HIVEP2: variants seen among roughly 807,000 people sequenced by gnomAD.
The protein encoded by HIVEP2 is transcription factor HIVEP2.
A neutral mutation model predicts 180.7 loss-of-function variants in HIVEP2; 14 were observed. The observed-to-expected ratio is 0.08, with a 90% CI of 0.05 to 0.12. The LOEUF (loss-of-function observed/expected upper bound fraction) is 0.12, where lower values mean the gene tolerates loss of function less well. HIVEP2 is among the 10% of genes least tolerant of loss of function. The probability of loss-of-function intolerance (pLI) is 1.00; values close to 1 mark genes in which losing one functional copy is unlikely to be tolerated. For synonymous variants in HIVEP2, 1,184 were observed against 1,136.4 expected, an observed-to-expected ratio of 1.04 and a Z score of -0.84; for missense variants, 2,579 against 3,008.5, an observed-to-expected ratio of 0.86 and a Z score of 3.34.
chr6:142,806,516 T>G (rs1776551837), intron 2 of HIVEP2, among the ~76,000 whole-genome samples: 1 of 152,208 alleles, frequency 6.6e-6, no homozygotes, highest in African/African-American at 2.4e-5. Flanking sequence ...CTAAGATCAC[T>G]ATTTTCACAA....
At chr6:142,920,648 T>TA (rs1346918724) in intron 1 of HIVEP2, among the ~76,000 whole-genome samples, 3 of 152,174 alleles carry the variant, frequency 2.0e-5, no homozygotes, top group Non-Finnish European at 2.9e-5. Context: ...AACAAGGAGA[T>TA]AAAAAATTTT....
In HIVEP2 at chr6:142,753,031, G is replaced by T. The variant is rs1190160974; in HGVS notation, c.*76C>A. On this transcript the variant is annotated 3_prime_UTR_variant, in exon 10 of 10. Coordinates refer to ENST00000367603, the MANE Select transcript of HIVEP2 (RefSeq NM_006734.4). ...CTTAGGACAGGCATGCTATAAACTG[G>T]ATTACCTCCATTTCTAGAAAAACAA... is the stretch of plus-strand genomic sequence containing the variant. 2.3e-6 allele frequency: 2 copies of T among 861,426 alleles called. No homozygotes were observed. The highest frequency in any genetic ancestry group is 3.9e-6 in the Non-Finnish European group (2 of 510,668). The allele number at this position is 861,426 out of a possible 1,614,324, so 53.4% of individuals were successfully genotyped here. A position where few individuals can be genotyped will look rare whatever the true frequency, so the allele number is the denominator to read the frequency against.
At chr6:142,882,044 G>T (rs182572917) in intron 1 of HIVEP2, among the ~76,000 whole-genome samples, 1 of 152,102 alleles carries the variant, frequency 6.6e-6, no homozygotes, top group East Asian at 1.9e-4. Flanking sequence ...GAGTCATCAC[G>T]CTCTCTCCTG....
intron 1 of HIVEP2, among the ~76,000 whole-genome samples, chr6:142,865,782 T>A (rs1412290419): frequency 6.6e-6 from 1 of 152,310 alleles, no homozygotes; most frequent in Non-Finnish European, 1.5e-5. Context: ...GCGTTTCGCA[T>A]GCTTCAGTAA....
chr6:142,891,514 C>T (rs1001179034), intron 1 of HIVEP2, among the ~76,000 whole-genome samples: 1 of 152,070 alleles, frequency 6.6e-6, no homozygotes, highest in African/African-American at 2.4e-5. Context: ...AGGACAATCA[C>T]CATTTATAGA....
intron 1 of HIVEP2, among the ~76,000 whole-genome samples, chr6:142,854,696 CT>C (rs1490391245): frequency 3.3e-5 from 5 of 152,152 alleles, no homozygotes; most frequent in Non-Finnish European, 2.9e-5. Context: ...GCACAAACTC[CT>C]CTGTGAATGT....
chr6:142,870,164 G>A (rs1231855177), intron 1 of HIVEP2, among the ~76,000 whole-genome samples: 1 of 151,732 alleles, frequency 6.6e-6, no homozygotes, highest in Non-Finnish European at 1.5e-5. Flanking sequence ...AATCCTTTGG[G>A]GTTCAGCACC....
intron 1 of HIVEP2, among the ~76,000 whole-genome samples, chr6:142,852,407 G>A (rs1775707200): frequency 6.6e-6 from 1 of 151,932 alleles, no homozygotes; most frequent in African/African-American, 2.4e-5. Context: ...TTGTCTTCAT[G>A]GAGCTCAGGG....
At chr6:142,914,808 G>A (rs572971821) in intron 1 of HIVEP2, among the ~76,000 whole-genome samples, 1 of 152,284 alleles carries the variant, frequency 6.6e-6, no homozygotes, top group African/African-American at 2.4e-5. Context: ...GTGACAAAGA[G>A]CAGATTCCTA....
At chr6:142,864,603 T>C (rs1364304147) in intron 1 of HIVEP2, among the ~76,000 whole-genome samples, 1 of 152,232 alleles carries the variant, frequency 6.6e-6, no homozygotes, top group Admixed American at 6.5e-5. Context: ...GTTCACCCAA[T>C]AATTTTTTGA....
chr6:142,760,708 A>ACCT, intron 8 of HIVEP2, 41 bp from the exon 9 acceptor site: 1 of 1,457,104 alleles, frequency 6.9e-7, no homozygotes, highest in South Asian at 1.3e-5. Context: ...CAAGATCCAA[A>ACCT]TATCAAGGTT....
chr6:142,926,050 C>T (rs1381039967), intron 1 of HIVEP2, among the ~76,000 whole-genome samples: 2 of 152,144 alleles, frequency 1.3e-5, no homozygotes, highest in Non-Finnish European at 2.9e-5. Context: ...ACGTAAGATT[C>T]AAGTTACTAA....
chr6:142,896,207 A>T (rs1416944777), intron 1 of HIVEP2, among the ~76,000 whole-genome samples: 1 of 151,898 alleles, frequency 6.6e-6, no homozygotes, highest in Non-Finnish European at 1.5e-5. Context: ...CTACCTTCCT[A>T]ATCTTCACAC....
chr6:142,764,756 C>G (rs765045837), intron 7 of HIVEP2, 43 bp downstream of exon 7: 1 of 1,424,212 alleles, frequency 7.0e-7, no homozygotes, highest in Non-Finnish European at 9.8e-7. Flanking sequence ...ATCTAAGTAG[C>G]CATAGAGAAG....
intron 1 of HIVEP2, among the ~76,000 whole-genome samples, chr6:142,913,924 T>C (rs1006553799): frequency 4.6e-5 from 7 of 152,166 alleles, no homozygotes; most frequent in African/African-American, 1.7e-4. Flanking sequence ...AGTTGCACGT[T>C]TGCACGTGTC....
chr6:142,843,812 T>A (rs1775434063), intron 1 of HIVEP2, among the ~76,000 whole-genome samples: 1 of 152,206 alleles, frequency 6.6e-6, no homozygotes, highest in Non-Finnish European at 1.5e-5. Flanking sequence ...GAATGACATT[T>A]TAGGTTTGAG....
intron 2 of HIVEP2, among the ~76,000 whole-genome samples, chr6:142,798,571 G>A (rs1052983458): frequency 5.3e-4 from 80 of 152,104 alleles, no homozygotes; most frequent in African/African-American, 1.8e-3. Context: ...AAATAGCAAG[G>A]TTGTACAGTG....
intron 2 of HIVEP2, among the ~76,000 whole-genome samples, chr6:142,819,274 C>T (rs1776964467): frequency 1.3e-5 from 2 of 151,872 alleles, no homozygotes; most frequent in Admixed American, 1.3e-4. Flanking sequence ...GCTTGGGGTT[C>T]AAGGTCTATG....
chr6:142,945,427 A>AT (rs113647021), upstream of HIVEP2, among the ~76,000 whole-genome samples: 93 of 151,992 alleles, frequency 6.1e-4, no homozygotes, highest in African/African-American at 2.1e-3. The surrounding 1 kb of genome is among the most constrained non-coding windows in gnomAD (Gnocchi z 5.5). Context: ...CGATTCCAAT[A>AT]TAAAGTGAAA....
Sources: allele counts gnomAD v4.1 joint callset (sites outside exome capture counted in the v4.1 genomes callset), GRCh38; gene constraint gnomAD v4.1.1; non-coding constraint Gnocchi (gnomAD v3.1); transcripts MANE v1.5; gene names NCBI Gene and HGNC (gene_info 2026-07-23, HGNC 2026-07-21).